CDON: variants seen among roughly 807,000 people sequenced by gnomAD.
CDON encodes the protein cell adhesion associated, oncogene regulated.
CDON carries 73 observed loss-of-function variants against 120.9 expected under a neutral mutation model. The ratio of observed to expected loss-of-function variants is 0.60; its 90% CI spans 0.50 to 0.73. CDON has a LOEUF of 0.73. CDON is among the 30% of genes least tolerant of loss of function. CDON has a pLI of 0.00. For synonymous variants in CDON, 566 were observed against 573.5 expected (o/e 0.99, Z 0.19); for missense variants, 1,470 against 1,587.3 (o/e 0.93, Z 1.26).
Position 125,997,767 on chromosome 11 carries a change from A to G in CDON, c.2159-357T>C, listed in dbSNP as rs7109804. 3.4e-3 allele frequency among the ~76,000 whole-genome samples: 520 copies of G among 152,314 alleles called. 6 individuals are homozygous for G. Among genetic ancestry groups the G allele is most frequent in the African/African-American group, 0.012 (498 of 41,564 alleles). ...TTAAAATTTATAATAAATCTTCATAATTATGTGTTATCTTATTTAAATGTT... is the reference window on the plus strand; with the variant it reads ...TTAAAATTTATAATAAATCTTCATAGTTATGTGTTATCTTATTTAAATGTT... On this transcript the variant is annotated intron_variant, in intron 11 of 19. Coordinates refer to ENST00000531738, the MANE Select transcript of CDON (RefSeq NM_001378964.1).
upstream of CDON, chr11:126,063,159 G>C (rs149384634): frequency 2.6e-5 from 4 of 152,092 alleles, no homozygotes; most frequent in East Asian, 7.8e-4. Flanking sequence ...CTGCAAGAGA[G>C]ATACCCCAGG....
At chr11:126,032,342 A>G (rs1289881784) in intron 1 of CDON, among the ~76,000 whole-genome samples, 1 of 152,058 alleles carries the variant, frequency 6.6e-6, no homozygotes, top group African/African-American at 2.4e-5. Context: ...TATCTCAAGC[A>G]GAAGGAACAG....
chr11:125,962,719 T>A (rs1945679200), intron 18 of CDON, among the ~76,000 whole-genome samples: 1 of 152,222 alleles, frequency 6.6e-6, no homozygotes, highest in Admixed American at 6.5e-5. Context: ...ACTTGTGGTC[T>A]CCAACAGCTG....
chr11:126,058,978 C>G (rs551654388), intron 1 of CDON, among the ~76,000 whole-genome samples: 87 of 152,134 alleles, frequency 5.7e-4, no homozygotes, highest in Non-Finnish European at 1.1e-3. Context: ...AAAAAGACAA[C>G]AGAAAAGACA....
rs552652916 is a variant in CDON at position 126,034,140 on chromosome 11, A to T, written c.-61-10603T>A. 3.7e-4 allele frequency among the ~76,000 whole-genome samples: 56 copies of T among 151,968 alleles called. No homozygotes were observed. Among genetic ancestry groups the T allele is most frequent in the Non-Finnish European group, 6.6e-4 (45 of 68,002 alleles). On this transcript the variant is annotated intron_variant, in intron 1 of 19. Transcript: ENST00000531738. The surrounding 1 kb of genome is among the most constrained non-coding windows in gnomAD (Gnocchi z 4.5). ...CATTCAGATCAACTTAAAAAAAAAA[A>T]AGTTCACACCTACAGACTTCGCAAC...
rs747582370 is a variant in CDON, at chr11:125,962,006, G to A, written c.3357-8C>T. 5 of 1,609,592 alleles carry A rather than the reference G, an allele frequency of 3.1e-6. 1 individual carries two copies. Among genetic ancestry groups the A allele is most frequent in the Middle Eastern group, 3.3e-4 (2 of 6,076 alleles). On this transcript the variant is annotated splice_polypyrimidine_tract_variant and splice_region_variant and intron_variant, in intron 18 of 19. Coordinates refer to ENST00000531738, the MANE Select transcript of CDON (RefSeq NM_001378964.1). ...TTGGTTTTGGTGAAACACCTGCAGA[G>A]GTTAAACCAAAAGAAACAGAATTGT...
At chr11:125,996,263 G>T (rs1946779899) in intron 12 of CDON, among the ~76,000 whole-genome samples, 1 of 151,278 alleles carries the variant, frequency 6.6e-6, no homozygotes, top group Admixed American at 6.6e-5. Context: ...CTAAAGCCCA[G>T]AAATAAAGAA....
Position 125,984,107 on chromosome 11 carries a change from A to T in CDON, c.2774-14T>A, listed in dbSNP as rs1946393433. 6.5e-7 allele frequency: 1 copy of T among 1,546,018 alleles called. No homozygotes were observed. The highest frequency in any genetic ancestry group is 1.1e-5 in the South Asian group (1 of 89,704). ...GAACACGTTTCACTAGTTGAAATAT[A>T]AAGGAAAACATGATGTCAGAGTGAA... On this transcript the variant is annotated splice_polypyrimidine_tract_variant and intron_variant, in intron 15 of 19. Transcript: ENST00000531738.
rs71048761 is a variant in CDON at position 125,996,699 on chromosome 11, C to CAAA, written c.2362+505_2362+507dup. Among the ~76,000 whole-genome samples, 168 of 53,260 alleles carry CAAA rather than the reference C, an allele frequency of 3.2e-3. 1 individual carries two copies. Among genetic ancestry groups the CAAA allele is most frequent in the East Asian group, 4.6e-3 (7 of 1,532 alleles). The allele number at this position is 53,260 out of a possible 152,430, so 34.9% of individuals were successfully genotyped here. On this transcript the variant is annotated intron_variant, in intron 12 of 19. Coordinates refer to ENST00000531738, the MANE Select transcript of CDON (RefSeq NM_001378964.1). Reference sequence around the variant, plus strand: ...TAGGCGACAGAGGGAGACTCCATCTCAAAAAAAAAAAAAAAAAAAAAAAAG... The same window carrying CAAA: ...TAGGCGACAGAGGGAGACTCCATCTCAAAAAAAAAAAAAAAAAAAAAAAAAAAG...
chr11:125,987,647 A>G (rs1946507984), intron 15 of CDON, among the ~76,000 whole-genome samples: 1 of 152,236 alleles, frequency 6.6e-6, no homozygotes, highest in Non-Finnish European at 1.5e-5. Context: ...TCACAGCTAT[A>G]CTATTATACT....
At position 125,960,804 on chromosome 11, in the gene CDON, A is replaced by C; in HGVS notation, c.*138T>G. 3 of 811,816 alleles carry C rather than the reference A, an allele frequency of 3.7e-6. No homozygotes were observed. The South Asian group carries it at 4.5e-5, about 12-fold the overall frequency. The allele number at this position is 811,816 out of a possible 1,614,324, so 50.3% of individuals were successfully genotyped here. ...AGGGCACACGTTTTAAGATACATTC[A>C]TATGACATTACTACTACAAAAAAAT... On this transcript the variant is annotated 3_prime_UTR_variant, in exon 20 of 20. Coordinates refer to ENST00000531738, the MANE Select transcript of CDON (RefSeq NM_001378964.1).
intron 2 of CDON, among the ~76,000 whole-genome samples, chr11:126,021,901 A>C (rs1947652208): frequency 6.6e-6 from 1 of 152,100 alleles, no homozygotes; most frequent in East Asian, 1.9e-4. Context: ...TCAGGAGATC[A>C]AGACCAACCT....
intron 1 of CDON, among the ~76,000 whole-genome samples, chr11:126,039,701 A>G (rs910756502): frequency 2.0e-5 from 3 of 152,184 alleles, no homozygotes; most frequent in Admixed American, 6.5e-5. Flanking sequence ...GTGTCAGCCA[A>G]TGGTCTCCCT....
chr11:125,987,001 T>G (rs1389240040), intron 15 of CDON, among the ~76,000 whole-genome samples: 1 of 152,170 alleles, frequency 6.6e-6, no homozygotes, highest in African/African-American at 2.4e-5. Context: ...TATGTCCTGG[T>G]CAACCCTAAA....
intron 18 of CDON, among the ~76,000 whole-genome samples, chr11:125,977,377 T>G (rs913818348): frequency 5.9e-5 from 9 of 152,212 alleles, no homozygotes; most frequent in African/African-American, 2.2e-4. Context: ...TGATCCTTCT[T>G]CAAGTTCTGG....
At chr11:126,024,729 T>G (rs1001780943) in intron 1 of CDON, among the ~76,000 whole-genome samples, 1 of 152,084 alleles carries the variant, frequency 6.6e-6, no homozygotes, top group Non-Finnish European at 1.5e-5. Context: ...CTTAAACGTA[T>G]GAACGCCTTG....
At chr11:126,032,719 G>C (rs561837167) in intron 1 of CDON, among the ~76,000 whole-genome samples, 1 of 152,254 alleles carries the variant, frequency 6.6e-6, no homozygotes, top group African/African-American at 2.4e-5. Flanking sequence ...TTTAAAAGAC[G>C]TAAGAGGCCA....
At chr11:126,006,809 G>C (rs1947142989) in intron 8 of CDON, among the ~76,000 whole-genome samples, 1 of 151,246 alleles carries the variant, frequency 6.6e-6, no homozygotes. Context: ...AAAAAAAATA[G>C]GTTGCATACA....
chr11:125,969,907 T>C (rs559450639), intron 18 of CDON, among the ~76,000 whole-genome samples: 94 of 152,218 alleles, frequency 6.2e-4, no homozygotes, highest in Non-Finnish European at 1.1e-3. Context: ...AGAATATTCT[T>C]GTAAAACTAT....
Sources: allele counts gnomAD v4.1 joint callset (sites outside exome capture counted in the v4.1 genomes callset), GRCh38; gene constraint gnomAD v4.1.1; non-coding constraint Gnocchi (gnomAD v3.1); transcripts MANE v1.5; gene names NCBI Gene and HGNC (gene_info 2026-07-23, HGNC 2026-07-21).